Variants in EPC2 observed in about 807,000 individuals in gnomAD.
EPC2 encodes enhancer of polycomb homolog 2.
A neutral mutation model predicts 92.1 loss-of-function variants in EPC2; 14 were observed. The observed-to-expected ratio is 0.15, with a 90% CI of 0.10 to 0.24. The LOEUF (loss-of-function observed/expected upper bound fraction) is 0.24. EPC2 is among the 10% of genes least tolerant of loss of function. The pLI is 1.00. For missense variants in EPC2, 755 were observed against 971.5 expected, an observed-to-expected ratio of 0.78 and a Z score of 2.96; for synonymous variants, 340 against 334.7, an observed-to-expected ratio of 1.02 and a Z score of -0.17.
At chr2:148,668,663 C>T (rs529680582) in intron 1 of EPC2, among the ~76,000 whole-genome samples, 8 of 152,282 alleles carry the variant, frequency 5.3e-5, no homozygotes, top group African/African-American at 1.9e-4. Context: ...TTACTTCTTT[C>T]AAGGAATTTG....
intron 2 of EPC2, among the ~76,000 whole-genome samples, chr2:148,710,160 C>CA: frequency 6.6e-6 from 1 of 151,978 alleles, no homozygotes; most frequent in East Asian, 1.9e-4. Context: ...AGAAAAAAAT[C>CA]AAACAACACC....
chr2:148,785,172 G>A (rs970405357), intron 13 of EPC2, among the ~76,000 whole-genome samples, 171 bp downstream of exon 13: 2 of 152,164 alleles, frequency 1.3e-5, no homozygotes, highest in African/African-American at 4.8e-5. Context: ...TGTTTAAGGT[G>A]CCTAGTAGGA....
At chr2:148,780,655 T>A (rs1455223187) in intron 10 of EPC2, among the ~76,000 whole-genome samples, 1 of 152,172 alleles carries the variant, frequency 6.6e-6, no homozygotes, top group Non-Finnish European at 1.5e-5. Flanking sequence ...TCACTGTGAC[T>A]CTTAGTGCAG....
intron 2 of EPC2, among the ~76,000 whole-genome samples, chr2:148,695,155 T>A (rs895519348): frequency 4.6e-5 from 7 of 152,196 alleles, no homozygotes; most frequent in African/African-American, 1.7e-4. Context: ...GTAGCAGGAC[T>A]CTCTTTTCTT....
chr2:148,673,391 C>A (rs954526627), intron 1 of EPC2, among the ~76,000 whole-genome samples: 1 of 152,046 alleles, frequency 6.6e-6, no homozygotes, highest in Non-Finnish European at 1.5e-5. Context: ...TCTTTATGTT[C>A]CTCTGACTCA....
chr2:148,761,949 C>G lies in EPC2; in HGVS notation c.815+19C>G, dbSNP rs1339899568. Reference sequence around the variant, plus strand: ...AGAAAAGGTAACATTGCTCCTGTTACAACAGTAAAATGACAACTTTACCAA... The same window carrying G: ...AGAAAAGGTAACATTGCTCCTGTTAGAACAGTAAAATGACAACTTTACCAA... On this transcript the variant is annotated intron_variant, in intron 5 of 13. Coordinates refer to ENST00000258484, the MANE Select transcript of EPC2 (RefSeq NM_015630.4). 6.5e-7 allele frequency: 1 copy of G among 1,550,102 alleles called. No homozygotes were observed. The highest frequency in any genetic ancestry group is 2.2e-5 in the Admixed American group (1 of 44,634).
chr2:148,739,573 A>C (rs937681317), intron 2 of EPC2, among the ~76,000 whole-genome samples: 2 of 152,182 alleles, frequency 1.3e-5, no homozygotes, highest in African/African-American at 4.8e-5. Context: ...ATATTTTGTA[A>C]GCTATAACCA....
intron 5 of EPC2, 83 bp from the exon 6 acceptor site, chr2:148,762,587 C>T (rs912231684): frequency 1.3e-5 from 13 of 985,720 alleles, no homozygotes; most frequent in Non-Finnish European, 1.8e-5. Flanking sequence ...TAGGTGACTT[C>T]CAATTAATTG....
At chr2:148,681,871 A>T (rs1172212111) in intron 1 of EPC2, among the ~76,000 whole-genome samples, 1 of 151,142 alleles carries the variant, frequency 6.6e-6, no homozygotes, top group Non-Finnish European at 1.5e-5. Flanking sequence ...CCCTCCCCCT[A>T]CCCCCTACCC....
At chr2:148,773,415 A>G (rs1316616424) in intron 10 of EPC2, among the ~76,000 whole-genome samples, 1 of 152,110 alleles carries the variant, frequency 6.6e-6, no homozygotes, top group Non-Finnish European at 1.5e-5. Flanking sequence ...CCTATCTAAA[A>G]TTTTTTAATA....
intron 2 of EPC2, among the ~76,000 whole-genome samples, chr2:148,691,377 C>T (rs1681640540): frequency 2.0e-5 from 3 of 152,168 alleles, no homozygotes; most frequent in Admixed American, 6.5e-5. Flanking sequence ...GAAGTATCCA[C>T]CTGTCTGACA....
At chr2:148,726,765 G>GTTTTTTTTTTTTTTTTTTTTTTTTTTGT (rs201293391) in intron 2 of EPC2, among the ~76,000 whole-genome samples, 1 of 100,608 alleles carries the variant, frequency 9.9e-6, no homozygotes, top group Non-Finnish European at 2.0e-5. Context: ...TTTGTTTTTT[G>GTTTTTTTTTTTTTTTTTTTTTTTTTTGT]TTTTTTTTTT....
At chr2:148,754,921 C>T (rs942823659) in intron 4 of EPC2, among the ~76,000 whole-genome samples, 3 of 152,160 alleles carry the variant, frequency 2.0e-5, no homozygotes, top group Non-Finnish European at 4.4e-5. Flanking sequence ...TAACACCACA[C>T]ACAGTAGTAC....
intron 1 of EPC2, among the ~76,000 whole-genome samples, chr2:148,666,071 A>T (rs1372170210): frequency 6.6e-6 from 1 of 152,206 alleles, no homozygotes; most frequent in Non-Finnish European, 1.5e-5. Flanking sequence ...AATTGGATGG[A>T]TAGCATGTTC....
chr2:148,649,465 T>G (rs1680618149), intron 1 of EPC2, among the ~76,000 whole-genome samples: 1 of 152,262 alleles, frequency 6.6e-6, no homozygotes, highest in South Asian at 2.1e-4. Context: ...CTAGCTTCCT[T>G]TGTTCCGTAC....
At chr2:148,727,212 G>C (rs80344740) in intron 2 of EPC2, among the ~76,000 whole-genome samples, 2,736 of 151,894 alleles carry the variant, frequency 0.018, 74 homozygotes, top group African/African-American at 0.062. Flanking sequence ...GTGTAGTCTT[G>C]GTATCCTTGT....
intron 2 of EPC2, among the ~76,000 whole-genome samples, chr2:148,731,772 A>C (rs550780985): frequency 1.3e-5 from 2 of 152,348 alleles, no homozygotes; most frequent in South Asian, 2.1e-4. Context: ...ACATTAAAAA[A>C]CACCACCATT....
chr2:148,761,711 A>T (rs1683303240), intron 4 of EPC2, 71 bp from the exon 5 acceptor site: 10 of 1,082,572 alleles, frequency 9.2e-6, no homozygotes, highest in Non-Finnish European at 1.1e-5. Flanking sequence ...GTCTGATAAG[A>T]GTTTATTGAA....
intron 2 of EPC2, among the ~76,000 whole-genome samples, chr2:148,732,381 C>CTT (rs752780229): frequency 0.13 from 17,147 of 132,796 alleles, 1,892 homozygotes; most frequent in East Asian, 0.45. Flanking sequence ...TTATTTTTGT[C>CTT]TTTTTTTTTT....
Sources: gnomAD v4.1 joint callset for allele counts (sites outside exome capture counted in the v4.1 genomes callset) on GRCh38, gnomAD v4.1.1 for gene constraint, MANE v1.5 for transcripts, NCBI Gene and HGNC (gene_info 2026-07-23, HGNC 2026-07-21) for gene names.